Variants in DGKD observed in about 807,000 individuals in gnomAD.
DGKD encodes the protein DAG kinase delta.
In DGKD, 68 loss-of-function variants were observed where a neutral mutation model predicts 154.4. The observed-to-expected ratio is 0.44, with a 90% CI of 0.36 to 0.54. The LOEUF is 0.54. Ranked by LOEUF, DGKD falls within the 20% of genes least tolerant of loss-of-function variation. The pLI, the probability that DGKD is intolerant of heterozygous loss-of-function variation, is 0.00. For synonymous variants in DGKD, 693 were observed against 638.0 expected (o/e 1.09, Z -1.30); for missense variants, 1,343 against 1,593.6 (o/e 0.84, Z 2.68).
In DGKD at chr2:233,460,087, C is replaced by T. The variant is rs570822052; in HGVS notation, c.2830-107C>T. 4 of 1,498,934 alleles carry T rather than the reference C, an allele frequency of 2.7e-6. No individual in the cohort carries two copies. In the East Asian group the frequency reaches 9.3e-5, roughly 35 times the overall value. 92.9% of individuals were successfully genotyped at this position (1,498,934 alleles called of 1,614,324 possible). On this transcript the variant is annotated intron_variant, in intron 23 of 29. Coordinates refer to ENST00000264057, the MANE Select transcript of DGKD (RefSeq NM_152879.3). ...CTAATGTTAAAAAAAAAAAAAAGTC[C>T]TATTTGTCTCTTTCTAGTTGTGATC...
At chr2:233,370,555 G>A (rs1702258393) in intron 1 of DGKD, among the ~76,000 whole-genome samples, 2 of 141,802 alleles carry the variant, frequency 1.4e-5, no homozygotes, top group Non-Finnish European at 3.0e-5. Flanking sequence ...TACGTTGTAC[G>A]TTTCAGAACT....
chr2:233,454,609 A>G (rs2063396443), intron 18 of DGKD, 154 bp from the exon 19 acceptor site: 1 of 602,100 alleles, frequency 1.7e-6, no homozygotes, highest in African/African-American at 1.9e-5. Flanking sequence ...TAAATTGGTA[A>G]ATTATCTAGT....
In DGKD at chr2:233,436,299, CCT is replaced by C; in HGVS notation, c.694-14_694-13del. ...ACCTTGGGAGCGTCCCTAGTGCGTGCCTCTGTTTGGTTGCAGATTGCAATGCC... is the reference window on the plus strand; with the variant it reads ...ACCTTGGGAGCGTCCCTAGTGCGTGCCTGTTTGGTTGCAGATTGCAATGCC... On this transcript the variant is annotated splice_polypyrimidine_tract_variant and intron_variant, in intron 6 of 29. Transcript: ENST00000264057. 6.2e-7 allele frequency: 1 copy of C among 1,614,078 alleles called. No homozygotes were observed. Among genetic ancestry groups the C allele is most frequent in the Non-Finnish European group, 8.5e-7 (1 of 1,179,984 alleles).
rs2063337864 is a variant in DGKD at position 233,452,982 on chromosome 2, A to G, written c.2264+922A>G. On this transcript the variant is annotated intron_variant, in intron 18 of 29. Transcript: ENST00000264057. This position sits in a 1 kb window ranked among gnomAD's most constrained non-coding sequence, Gnocchi z 4.0. ...AGTGTCCCTGTTCCTGGCCTGGTCT[A>G]CTCCTCCCCTGGGGCTGCGTGGGGC... Among the ~76,000 whole-genome samples the G allele has an allele frequency of 6.6e-6, 1 of 150,786 alleles. No individual in the cohort carries two copies. Among genetic ancestry groups the G allele is most frequent in the African/African-American group, 2.4e-5 (1 of 40,958 alleles).
At chr2:233,432,203 A>G (rs551534458) in intron 3 of DGKD, among the ~76,000 whole-genome samples, 5 of 99,572 alleles carry the variant, frequency 5.0e-5, no homozygotes, top group Admixed American at 1.1e-4. Flanking sequence ...CATCCTGGCT[A>G]ACACGGTGAA....
intron 3 of DGKD, among the ~76,000 whole-genome samples, chr2:233,408,047 T>G (rs922801637): frequency 1.3e-5 from 2 of 151,316 alleles, no homozygotes; most frequent in Non-Finnish European, 1.5e-5. Flanking sequence ...AAAAACTGTT[T>G]TTTTTTTTTT....
intron 3 of DGKD, among the ~76,000 whole-genome samples, chr2:233,421,691 C>T (rs980761539): frequency 6.6e-6 from 1 of 152,082 alleles, no homozygotes; most frequent in Non-Finnish European, 1.5e-5. Context: ...CCCGTTTTTG[C>T]TGTGGAGTCC....
intron 17 of DGKD, among the ~76,000 whole-genome samples, chr2:233,451,657 C>T (rs1271096960): frequency 6.6e-6 from 1 of 151,768 alleles, no homozygotes; most frequent in African/African-American, 2.4e-5. Flanking sequence ...AGCTTGACCT[C>T]CTGGACTCAA....
chr2:233,379,542 C>T (rs1217708035), intron 1 of DGKD, among the ~76,000 whole-genome samples: 1 of 152,126 alleles, frequency 6.6e-6, no homozygotes, highest in Non-Finnish European at 1.5e-5. Context: ...CTCCCTGCCC[C>T]CTCCCACACT....
chr2:233,384,617 C>T (rs1236373958), intron 1 of DGKD, among the ~76,000 whole-genome samples: 1 of 152,152 alleles, frequency 6.6e-6, no homozygotes, highest in Non-Finnish European at 1.5e-5. Context: ...CCTGTCTCCT[C>T]CCCTTCGCCT....
intron 12 of DGKD, 23 bp from the exon 13 acceptor site, chr2:233,448,064 C>T: frequency 6.2e-7 from 1 of 1,613,602 alleles, no homozygotes; most frequent in South Asian, 1.1e-5. Flanking sequence ...ACCAACAGTC[C>T]TGGCCATTTG....
At position 233,388,189 on chromosome 2, in the gene DGKD, G is replaced by A. The variant is rs201735046; in HGVS notation, c.157-68G>A. ...ATATGTTTCAGCCGCAACAGGCTGC[G>A]TTTCAGCCGGAAGAGTGAAAGGGCA... On this transcript the variant is annotated intron_variant, in intron 1 of 29. Coordinates refer to ENST00000264057, the MANE Select transcript of DGKD (RefSeq NM_152879.3). 5.7e-6 allele frequency: 9 copies of A among 1,578,904 alleles called. No homozygotes were observed. The Admixed American group carries it at 5.7e-5, about 10-fold the overall frequency.
chr2:233,429,091 A>G, intron 3 of DGKD: 4 of 983,522 alleles, frequency 4.1e-6, no homozygotes, highest in Non-Finnish European at 4.8e-6. Flanking sequence ...AAGCAATTCT[A>G]GTACACCCTC....
chr2:233,398,935 C>A (rs1047465340), intron 3 of DGKD, among the ~76,000 whole-genome samples: 2 of 152,188 alleles, frequency 1.3e-5, no homozygotes, highest in Non-Finnish European at 2.9e-5. Flanking sequence ...TATCATCTTC[C>A]CTTAGCAGCC....
intron 1 of DGKD, among the ~76,000 whole-genome samples, chr2:233,382,134 T>G (rs1702936227): frequency 6.6e-6 from 1 of 152,022 alleles, no homozygotes; most frequent in African/African-American, 2.4e-5. Context: ...CTCGGGAGGG[T>G]GAGGCAGGAG....
rs1437123410 is a variant in DGKD at position 233,470,524 on chromosome 2, G to C, written c.*1064G>C. 1 of 152,688 alleles carries C rather than the reference G, an allele frequency of 6.5e-6. No homozygotes were observed. The highest frequency in any genetic ancestry group is 1.5e-5 in the Non-Finnish European group (1 of 68,394). 9.5% of individuals were successfully genotyped at this position (152,688 alleles called of 1,614,324 possible). A position where few individuals can be genotyped will look rare whatever the true frequency, so the allele number is the denominator to read the frequency against. ...AGGTGCTGGCAGGGACTCTGATTTG[G>C]TGGTCCGCGCTGCCCCTGCCCTGCC... On this transcript the variant is annotated 3_prime_UTR_variant, in exon 30 of 30. Transcript: ENST00000264057.
chr2:233,447,499 TTTTA>T (rs768233337), intron 12 of DGKD: 3 of 985,260 alleles, frequency 3.0e-6, no homozygotes, highest in Non-Finnish European at 3.6e-6. Flanking sequence ...TTTGTACATT[TTTTA>T]TTTTTCCTTT....
At chr2:233,425,702 A>G (rs532663949) in intron 3 of DGKD, among the ~76,000 whole-genome samples, 1 of 152,338 alleles carries the variant, frequency 6.6e-6, no homozygotes, top group African/African-American at 2.4e-5. Context: ...CCATATAAGA[A>G]CATGTAGAGT....
At position 233,459,072 on chromosome 2, in the gene DGKD, G is replaced by A. The variant is rs1342940073; in HGVS notation, c.2694+675G>A. On this transcript the variant is annotated intron_variant, in intron 22 of 29. Transcript: ENST00000264057. The surrounding 1 kb of genome is among the most constrained non-coding windows in gnomAD (Gnocchi z 5.7). Reference sequence around the variant, plus strand: ...GGGTGTGGGAGGATTTCCAGCTGGGGCCCTCGATCATGGTTCTGAGGCCGA... The same window carrying A: ...GGGTGTGGGAGGATTTCCAGCTGGGACCCTCGATCATGGTTCTGAGGCCGA... Among the ~76,000 whole-genome samples, 6 of 152,206 alleles carry A rather than the reference G, an allele frequency of 3.9e-5. No individual in the cohort carries two copies. The highest frequency in any genetic ancestry group is 8.8e-5 in the Non-Finnish European group (6 of 68,036).
Sources: allele counts gnomAD v4.1 joint callset (sites outside exome capture counted in the v4.1 genomes callset), GRCh38; gene constraint gnomAD v4.1.1; non-coding constraint Gnocchi (gnomAD v3.1); transcripts MANE v1.5; gene names NCBI Gene and HGNC (gene_info 2026-07-23, HGNC 2026-07-21).